The following SPDYE2B variants were observed in gnomAD, a reference collection of about 807,000 sequenced individuals.
SPDYE2B encodes speedy/RINGO cell cycle regulator family member E2B.
intron 3 of SPDYE2B, among the ~76,000 whole-genome samples, chr7:102,654,324 C>CAAA (rs1284683166): frequency 9.8e-3 from 934 of 95,032 alleles, no homozygotes; most frequent in Non-Finnish European, 0.012. Context: ...GACGCTGTCT[C>CAAA]AAAAAAAAAA....
At chr7:102,654,299 T>TGGGTGAGA (rs1376246627) in intron 3 of SPDYE2B, among the ~76,000 whole-genome samples, 127 of 103,512 alleles carry the variant, frequency 1.2e-3, no homozygotes, top group Non-Finnish European at 2.0e-3. Flanking sequence ...CATTCCATTC[T>TGGGTGAGA]GGGTGAGAGA....
At chr7:102,652,817 C>CAA (rs1363878366) in intron 2 of SPDYE2B, among the ~76,000 whole-genome samples, 3 of 8 alleles carry the variant, frequency 0.38, 1 homozygote, top group East Asian at 1. Context: ...TACTGCACTC[C>CAA]AAAAAAAAAA....
Position 102,662,133 on chromosome 7 carries a change from T to C in SPDYE2B, c.*1033T>C. ...TATTTATTTATTTAAATATTATTAC[T>C]TTAAATATTATTTTAAATATTTTGG... On this transcript the variant is annotated 3_prime_UTR_variant, in exon 9 of 9. Coordinates refer to ENST00000507450, the MANE Select transcript of SPDYE2B (RefSeq NM_001166339.2). 1.2e-5 allele frequency among the ~76,000 whole-genome samples: 1 copy of C among 84,158 alleles called. No homozygotes were observed. The highest frequency in any genetic ancestry group is 3.3e-5 in the African/African-American group (1 of 29,996). 55.2% of individuals were successfully genotyped at this position (84,158 alleles called of 152,430 possible).
chr7:102,653,894 C>G (rs1391024506), intron 3 of SPDYE2B, among the ~76,000 whole-genome samples: 2 of 148,610 alleles, frequency 1.3e-5, no homozygotes, highest in South Asian at 4.4e-4. Flanking sequence ...TGGTTTCGGG[C>G]CAGGTGCAGT....
chr7:102,662,080 T>TTAAATATA lies in SPDYE2B; in HGVS notation c.*981_*982insAAATATAT, dbSNP rs1791949471. ...TGGGTATAGAATTATTTAAATATTA[T>TTAAATATA]TTTATTTATTTAAATATTTATTAAA... On this transcript the variant is annotated 3_prime_UTR_variant, in exon 9 of 9. Coordinates refer to ENST00000507450, the MANE Select transcript of SPDYE2B (RefSeq NM_001166339.2). Among the ~76,000 whole-genome samples, 1 of 75,322 alleles carries TTAAATATA rather than the reference T, an allele frequency of 1.3e-5. No homozygotes were observed. The highest frequency in any genetic ancestry group is 3.2e-5 in the Non-Finnish European group (1 of 31,236). The allele number at this position is 75,322 out of a possible 152,430, so 49.4% of individuals were successfully genotyped here.
intron 3 of SPDYE2B, among the ~76,000 whole-genome samples, chr7:102,654,306 G>C (rs1454665146): frequency 8.6e-5 from 9 of 104,668 alleles, no homozygotes; most frequent in Admixed American, 7.5e-4. Flanking sequence ...TTCTGGGTGA[G>C]AGAGTGAGAC....
chr7:102,654,282 G>A (rs1264319288), intron 3 of SPDYE2B, among the ~76,000 whole-genome samples: 4 of 107,844 alleles, frequency 3.7e-5, no homozygotes, highest in East Asian at 6.4e-4. Context: ...CCAAGATAGC[G>A]CCACTGCATT....
chr7:102,658,878 A>AT (rs1279725422), intron 6 of SPDYE2B, among the ~76,000 whole-genome samples: 3 of 146,376 alleles, frequency 2.0e-5, no homozygotes, highest in Admixed American at 6.9e-5. Flanking sequence ...AATTTCTTTT[A>AT]TTTTTTTGAG....
intron 3 of SPDYE2B, among the ~76,000 whole-genome samples, chr7:102,653,909 C>T (rs1326027813): frequency 6.9e-6 from 1 of 145,464 alleles, no homozygotes; most frequent in Non-Finnish European, 1.5e-5. Flanking sequence ...TGCAGTGGCT[C>T]ACGCCTGAGA....
rs1354552328 is a variant in SPDYE2B, at chr7:102,662,317, C to T, written c.*1217C>T. ...TTCAATCTTTGTATCTATTATTACA[C>T]GTGCTGCTGAAGGGAGCATGGTTTT... On this transcript the variant is annotated 3_prime_UTR_variant, in exon 9 of 9. Transcript: ENST00000507450. Among the ~76,000 whole-genome samples the T allele has an allele frequency of 8.1e-4, 21 of 25,912 alleles. 1 individual carries two copies. The highest frequency in any genetic ancestry group is 1.2e-3 in the African/African-American group (19 of 15,598). The allele number at this position is 25,912 out of a possible 152,430, so 17.0% of individuals were successfully genotyped here. A position where few individuals can be genotyped will look rare whatever the true frequency, so the allele number is the denominator to read the frequency against.
At chr7:102,651,212 T>C (rs1460888424) in intron 1 of SPDYE2B, among the ~76,000 whole-genome samples, 1 of 91,670 alleles carries the variant, frequency 1.1e-5, no homozygotes, top group Non-Finnish European at 2.2e-5. Flanking sequence ...TCCTGTCACA[T>C]GAGTCTCCCA....
At chr7:102,654,522 C>T (rs1477910285) in intron 3 of SPDYE2B, among the ~76,000 whole-genome samples, 17 of 50,522 alleles carry the variant, frequency 3.4e-4, no homozygotes, top group African/African-American at 1.5e-3. Flanking sequence ...ATGGTGAAAC[C>T]CTGTCTCTTC....
Position 102,662,175 on chromosome 7 carries a change from G to T in SPDYE2B, c.*1075G>T. Among the ~76,000 whole-genome samples the T allele has an allele frequency of 1.4e-5, 1 of 71,408 alleles. No homozygotes were observed. The allele number at this position is 71,408 out of a possible 152,430, so 46.8% of individuals were successfully genotyped here. ...ATATTTTGGAAATACTGGTATTTTT[G>T]AATAGATGCTGTTTCTATAAAGCTG... On this transcript the variant is annotated 3_prime_UTR_variant, in exon 9 of 9. Coordinates refer to ENST00000507450, the MANE Select transcript of SPDYE2B (RefSeq NM_001166339.2).
In SPDYE2B at chr7:102,662,004, C is replaced by T; in HGVS notation, c.*904C>T. Among the ~76,000 whole-genome samples, 2 of 23,162 alleles carry T rather than the reference C, an allele frequency of 8.6e-5. 1 individual carries two copies. Among genetic ancestry groups the T allele is most frequent in the Non-Finnish European group, 3.6e-4 (2 of 5,630 alleles). 15.2% of individuals were successfully genotyped at this position (23,162 alleles called of 152,430 possible). A position where few individuals can be genotyped will look rare whatever the true frequency, so the allele number is the denominator to read the frequency against. Reference sequence around the variant, plus strand: ...TTTTAACATGCCTCAGATATATATACTAACACGTCTAATATATACTATCTA... The same window carrying T: ...TTTTAACATGCCTCAGATATATATATTAACACGTCTAATATATACTATCTA... On this transcript the variant is annotated 3_prime_UTR_variant, in exon 9 of 9. Coordinates refer to ENST00000507450, the MANE Select transcript of SPDYE2B (RefSeq NM_001166339.2).
chr7:102,653,314 GA>G, intron 2 of SPDYE2B, 136 bp from the exon 3 acceptor site: 3 of 1,484,170 alleles, frequency 2.0e-6, no homozygotes, highest in Non-Finnish European at 2.7e-6. Flanking sequence ...GAGCAGAGGA[GA>G]AAATCAGAAA....
In SPDYE2B at chr7:102,662,336, T is replaced by C. The variant is rs1259945613; in HGVS notation, c.*1236T>C. On this transcript the variant is annotated 3_prime_UTR_variant, in exon 9 of 9. Transcript: ENST00000507450. ...ATTACACGTGCTGCTGAAGGGAGCA[T>C]GGTTTTTATCTATGATACTTAGTTA... 5.7e-4 allele frequency among the ~76,000 whole-genome samples: 15 copies of C among 26,088 alleles called. No homozygotes were observed. The highest frequency in any genetic ancestry group is 9.6e-4 in the African/African-American group (15 of 15,686). The allele number at this position is 26,088 out of a possible 152,430, so 17.1% of individuals were successfully genotyped here.
chr7:102,653,596 CA>C lies in SPDYE2B; in HGVS notation c.308del (p.Lys103ArgfsTer2), dbSNP rs1712655801. 2 of 1,244,566 alleles carry C rather than the reference CA, an allele frequency of 1.6e-6. No individual in the cohort carries two copies. The highest frequency in any genetic ancestry group is 1.1e-6 in the Non-Finnish European group (1 of 917,530). 77.1% of individuals were successfully genotyped at this position (1,244,566 alleles called of 1,614,324 possible). ...TWVVEMLCGLKMKLKQQRVSS... is the reference protein window; with the variant it reads ...TWVVEMLCGLXMKLKQQRVSS... Reference sequence around the variant, plus strand: ...GGGTAGTGGAGATGCTGTGTGGGCTCAAGATGAAGCTGAAGCAACAGCGAGT... The same window carrying C: ...GGGTAGTGGAGATGCTGTGTGGGCTCAGATGAAGCTGAAGCAACAGCGAGT... On this transcript the variant is annotated frameshift_variant, in exon 3 of 9. Coordinates refer to ENST00000507450, the MANE Select transcript of SPDYE2B (RefSeq NM_001166339.2). LOFTEE classifies it high-confidence loss of function.
chr7:102,662,333 G>A lies in SPDYE2B; in HGVS notation c.*1233G>A, dbSNP rs1218974872. ...ATTATTACACGTGCTGCTGAAGGGA[G>A]CATGGTTTTTATCTATGATACTTAG... On this transcript the variant is annotated 3_prime_UTR_variant, in exon 9 of 9. Coordinates refer to ENST00000507450, the MANE Select transcript of SPDYE2B (RefSeq NM_001166339.2). 7.8e-5 allele frequency among the ~76,000 whole-genome samples: 2 copies of A among 25,606 alleles called. No homozygotes were observed. Among genetic ancestry groups the A allele is most frequent in the East Asian group, 4.3e-3 (2 of 462 alleles). The allele number at this position is 25,606 out of a possible 152,430, so 16.8% of individuals were successfully genotyped here.
At chr7:102,656,535 G>A (rs76750651) in intron 5 of SPDYE2B, among the ~76,000 whole-genome samples, 16 of 35,184 alleles carry the variant, frequency 4.5e-4, no homozygotes, top group African/African-American at 8.9e-4. Context: ...CAGCCGATGC[G>A]TCCTGGGTTC....
Sources: gnomAD v4.1 joint callset for allele counts (sites outside exome capture counted in the v4.1 genomes callset) on GRCh38, gnomAD v4.1.1 for gene constraint, MANE v1.5 for transcripts, NCBI Gene and HGNC (gene_info 2026-07-23, HGNC 2026-07-21) for gene names.